Variants in CHST9 observed in about 807,000 individuals in gnomAD.
CHST9 encodes the protein GalNAc-4-sulfotransferase 2.
Under a neutral mutation model 44.4 loss-of-function variants are expected in CHST9, and 41 were observed. The ratio of observed to expected loss-of-function variants is 0.92; its 90% CI spans 0.72 to 1.20. The LOEUF is 1.20. CHST9 is among the 50% of genes most tolerant of loss of function. CHST9 has a pLI of 0.00. For synonymous variants in CHST9, 171 were observed against 178.4 expected (o/e 0.96, Z 0.33); for missense variants, 504 against 516.5 (o/e 0.98, Z 0.23).
At chr18:26,933,122 C>T (rs553391790) in intron 5 of CHST9, 6 of 153,884 alleles carry the variant, frequency 3.9e-5, no homozygotes, top group East Asian at 1.9e-4. Flanking sequence ...TGTGAGCCAA[C>T]GTAGGTTGTG....
chr18:26,956,249 T>G (rs2056320553), intron 4 of CHST9, among the ~76,000 whole-genome samples: 1 of 148,928 alleles, frequency 6.7e-6, no homozygotes, highest in Non-Finnish European at 1.5e-5. Context: ...GAGGCAGAGG[T>G]TACAGTGAGC....
At chr18:27,114,302 T>C (rs540403311) in intron 2 of CHST9, among the ~76,000 whole-genome samples, 5 of 152,360 alleles carry the variant, frequency 3.3e-5, no homozygotes, top group African/African-American at 1.2e-4. Flanking sequence ...GTACTTTATA[T>C]AGACGAGATG....
At chr18:27,182,495 T>C (rs1362605535) in intron 1 of CHST9, among the ~76,000 whole-genome samples, 2 of 152,172 alleles carry the variant, frequency 1.3e-5, no homozygotes, top group Non-Finnish European at 2.9e-5. Flanking sequence ...TCAAAAAATA[T>C]GAAAATGCTT....
chr18:27,041,757 T>C (rs769191111), intron 3 of CHST9, among the ~76,000 whole-genome samples: 2 of 152,148 alleles, frequency 1.3e-5, no homozygotes, highest in African/African-American at 2.4e-5. Context: ...TTAAAAATAA[T>C]GTGGCACAGC....
intron 2 of CHST9, among the ~76,000 whole-genome samples, chr18:27,093,511 T>C (rs988549916): frequency 2.1e-4 from 32 of 152,204 alleles, no homozygotes; most frequent in African/African-American, 6.8e-4. Flanking sequence ...ACTGCTGCGC[T>C]AGCAGTGAGC....
intron 5 of CHST9, chr18:26,933,194 G>A (rs1186968320): frequency 6.5e-6 from 1 of 153,764 alleles, no homozygotes; most frequent in Non-Finnish European, 1.5e-5. Context: ...AGGTAGCTCT[G>A]AAGACCAGAC....
chr18:26,999,484 T>TA (rs374831844), intron 4 of CHST9, among the ~76,000 whole-genome samples: 94 of 152,316 alleles, frequency 6.2e-4, no homozygotes, highest in African/African-American at 2.1e-3. Flanking sequence ...AGCATGATAA[T>TA]GATTTTTAGT....
rs527810559 is a variant in CHST9, at chr18:27,036,070, T to C, written c.161-11913A>G. 9.0e-4 allele frequency among the ~76,000 whole-genome samples: 137 copies of C among 152,318 alleles called. 1 individual carries two copies. Among genetic ancestry groups the C allele is most frequent in the Non-Finnish European group, 1.7e-3 (115 of 68,034 alleles). ...ATATATAAAATGCTATATATATATC[T>C]ATATTCATGTGCCAAATTCAAAAGT... On this transcript the variant is annotated intron_variant, in intron 3 of 5. Coordinates refer to ENST00000618847, the MANE Select transcript of CHST9 (RefSeq NM_031422.6).
At chr18:27,120,274 G>A (rs570519048) in intron 2 of CHST9, among the ~76,000 whole-genome samples, 35 of 152,294 alleles carry the variant, frequency 2.3e-4, no homozygotes, top group African/African-American at 7.7e-4. Flanking sequence ...ATCCAAGTAC[G>A]TTACCACTTA....
chr18:27,144,653 C>G (rs927012275), intron 1 of CHST9, among the ~76,000 whole-genome samples: 3 of 151,900 alleles, frequency 2.0e-5, no homozygotes, highest in Admixed American at 2.0e-4. Flanking sequence ...CAGGCCACTG[C>G]GCTTCAGCCT....
At chr18:26,989,570 G>C (rs2056791691) in intron 4 of CHST9, among the ~76,000 whole-genome samples, 1 of 152,124 alleles carries the variant, frequency 6.6e-6, no homozygotes, top group South Asian at 2.1e-4. Flanking sequence ...AACCTTCCTA[G>C]GCATTTTTCC....
At chr18:27,136,347 G>A (rs2143850301) in intron 2 of CHST9, among the ~76,000 whole-genome samples, 1 of 152,322 alleles carries the variant, frequency 6.6e-6, no homozygotes, top group African/African-American at 2.4e-5. Flanking sequence ...AGGCATCCCA[G>A]GAATGTGGTG....
At chr18:27,106,796 T>C (rs1289384417) in intron 2 of CHST9, among the ~76,000 whole-genome samples, 2 of 152,222 alleles carry the variant, frequency 1.3e-5, no homozygotes, top group Non-Finnish European at 2.9e-5. Context: ...TTTACCAGTC[T>C]ATCGCAGTTG....
At chr18:26,971,444 TAGTC>T (rs1025022678) in intron 4 of CHST9, among the ~76,000 whole-genome samples, 6 of 152,370 alleles carry the variant, frequency 3.9e-5, no homozygotes, top group Middle Eastern at 3.4e-3. Flanking sequence ...ATGTGAGACA[TAGTC>T]AGAATAGACT....
chr18:27,153,570 G>GTGTGTA (rs768446554), intron 1 of CHST9, among the ~76,000 whole-genome samples: 8,623 of 76,674 alleles, frequency 0.11, 201 homozygotes, highest in East Asian at 0.2. Context: ...GTGTGTGTAT[G>GTGTGTA]TGTGTGTGTG....
At chr18:27,056,808 T>C (rs888277893) in intron 2 of CHST9, among the ~76,000 whole-genome samples, 2 of 152,244 alleles carry the variant, frequency 1.3e-5, no homozygotes, top group Non-Finnish European at 2.9e-5. Context: ...TTTTCTGATA[T>C]GTTTACATCA....
At chr18:26,954,256 A>AG (rs1205308331) in intron 4 of CHST9, among the ~76,000 whole-genome samples, 1 of 152,198 alleles carries the variant, frequency 6.6e-6, no homozygotes, top group Non-Finnish European at 1.5e-5. Flanking sequence ...AAATAGCTCA[A>AG]GGGGCCAATG....
At chr18:27,131,971 C>A (rs909930272) in intron 2 of CHST9, among the ~76,000 whole-genome samples, 2 of 152,088 alleles carry the variant, frequency 1.3e-5, no homozygotes, top group African/African-American at 4.8e-5. Context: ...CAATGTATAC[C>A]TTTCATGTAT....
intron 2 of CHST9, among the ~76,000 whole-genome samples, chr18:27,094,940 A>C (rs1420867912): frequency 6.6e-6 from 1 of 152,206 alleles, no homozygotes; most frequent in East Asian, 1.9e-4. Flanking sequence ...AGTGATTTGA[A>C]CAATTTTTAT....
Sources: gnomAD v4.1 joint callset for allele counts (sites outside exome capture counted in the v4.1 genomes callset) on GRCh38, gnomAD v4.1.1 for gene constraint, MANE v1.5 for transcripts, NCBI Gene and HGNC (gene_info 2026-07-23, HGNC 2026-07-21) for gene names.